The following GDI2 variants were observed in gnomAD, a reference collection of about 807,000 sequenced individuals.
GDI2 encodes GDP dissociation inhibitor 2, also known as rab GDP dissociation inhibitor beta.
GDI2 carries 22 observed loss-of-function variants against 54.2 expected under a neutral mutation model. The ratio of observed to expected loss-of-function variants is 0.41; its 90% CI spans 0.29 to 0.58. GDI2 has a LOEUF of 0.58. GDI2 is among the 20% of genes least tolerant of loss of function. The pLI is 0.35. For missense variants in GDI2, 422 were observed against 546.0 expected (o/e 0.77, Z 2.26); for synonymous variants, 177 against 182.1 (o/e 0.97, Z 0.23).
intron 6 of GDI2, among the ~76,000 whole-genome samples, chr10:5,784,889 G>C (rs921543746): frequency 3.3e-5 from 5 of 152,200 alleles, no homozygotes; most frequent in Non-Finnish European, 5.9e-5. Flanking sequence ...TAAGTGCGCT[G>C]GTTTTGTATT....
At chr10:5,811,192 TG>T (rs1341078384) in intron 1 of GDI2, among the ~76,000 whole-genome samples, 2 of 152,216 alleles carry the variant, frequency 1.3e-5, no homozygotes, top group East Asian at 3.8e-4. Context: ...CTATCAATGA[TG>T]GTAATAATGT....
chr10:5,784,403 C>T (rs192843579), intron 6 of GDI2, among the ~76,000 whole-genome samples: 1 of 152,268 alleles, frequency 6.6e-6, no homozygotes, highest in Admixed American at 6.5e-5. Flanking sequence ...TAATAATGAC[C>T]TTGTGAATTC....
chr10:5,786,327 C>T (rs1046982387), intron 4 of GDI2, among the ~76,000 whole-genome samples: 3 of 151,980 alleles, frequency 2.0e-5, no homozygotes, highest in East Asian at 3.9e-4. Flanking sequence ...ACCGCCATTA[C>T]GCCCAGCTAA....
intron 6 of GDI2, among the ~76,000 whole-genome samples, chr10:5,780,455 G>A (rs1408086857): frequency 6.6e-6 from 1 of 152,088 alleles, no homozygotes; most frequent in Non-Finnish European, 1.5e-5. Context: ...ACACATAAAA[G>A]TTATAAAAGA....
chr10:5,806,000 C>T (rs1212312815), intron 1 of GDI2, among the ~76,000 whole-genome samples: 1 of 152,180 alleles, frequency 6.6e-6, no homozygotes, highest in Non-Finnish European at 1.5e-5. Flanking sequence ...TTCACTATTA[C>T]AAATAATGCT....
intron 6 of GDI2, among the ~76,000 whole-genome samples, chr10:5,779,452 G>A (rs985854516): frequency 1.3e-5 from 2 of 151,122 alleles, no homozygotes; most frequent in Non-Finnish European, 2.9e-5. Flanking sequence ...AGGTTGCAGT[G>A]AGCTGAGATC....
At chr10:5,812,004 A>G (rs1424615894) in intron 1 of GDI2, 1 of 482,732 alleles carries the variant, frequency 2.1e-6, no homozygotes, top group Non-Finnish European at 3.3e-6. Context: ...AGATTATAAT[A>G]AATTTCAAAA....
intron 6 of GDI2, among the ~76,000 whole-genome samples, chr10:5,779,606 T>C (rs1367695373): frequency 6.7e-6 from 1 of 149,872 alleles, no homozygotes; most frequent in Non-Finnish European, 1.5e-5. Context: ...CTATTGAAAA[T>C]AGCAGAAAAG....
At chr10:5,791,369 G>C (rs1412496351) in intron 4 of GDI2, among the ~76,000 whole-genome samples, 1 of 152,180 alleles carries the variant, frequency 6.6e-6, no homozygotes, top group Non-Finnish European at 1.5e-5. Context: ...CAGCACTTTG[G>C]GAGGCCAAGG....
intron 2 of GDI2, among the ~76,000 whole-genome samples, chr10:5,798,478 A>G (rs550203012): frequency 1.3e-5 from 2 of 151,868 alleles, no homozygotes; most frequent in South Asian, 4.2e-4. Flanking sequence ...AATTCCAGCT[A>G]CTCGGGAGGC....
intron 1 of GDI2, among the ~76,000 whole-genome samples, chr10:5,812,567 TCTACAGATG>T (rs1230616598): frequency 7.3e-5 from 11 of 151,036 alleles, no homozygotes; most frequent in African/African-American, 2.7e-4. Flanking sequence ...CAATTCCAAT[TCTACAGATG>T]CTCAGTAAGT....
rs187514718 is a variant in GDI2, at chr10:5,780,003, A to C, written c.719+5139T>G. 2.9e-3 allele frequency among the ~76,000 whole-genome samples: 442 copies of C among 152,168 alleles called. 1 individual carries two copies. The highest frequency in any genetic ancestry group is 4.7e-3 in the Non-Finnish European group (318 of 67,986). On this transcript the variant is annotated intron_variant, in intron 6 of 10. Coordinates refer to ENST00000380191, the MANE Select transcript of GDI2 (RefSeq NM_001494.4). ...GCCACCATGCTCACTTAAGCCCAGAAGTTCAACACCAGCCTGGGCAACATG... is the reference window on the plus strand; with the variant it reads ...GCCACCATGCTCACTTAAGCCCAGACGTTCAACACCAGCCTGGGCAACATG...
At position 5,768,585 on chromosome 10, in the gene GDI2, A is replaced by G; in HGVS notation, c.820-201T>C. On this transcript the variant is annotated intron_variant, in intron 7 of 10. Transcript: ENST00000380191. The surrounding 1 kb of genome is among the most constrained non-coding windows in gnomAD (Gnocchi z 4.4). ...AGCAAAGCTGGAGGACTCACTCACT[A>G]AAAAGCTACAGTGATCAATTCAGTG... is the stretch of plus-strand genomic sequence containing the variant. 1 of 564,774 alleles carries G rather than the reference A, an allele frequency of 1.8e-6. No homozygotes were observed. Among genetic ancestry groups the G allele is most frequent in the Non-Finnish European group, 3.2e-6 (1 of 317,046 alleles). 35.0% of individuals were successfully genotyped at this position (564,774 alleles called of 1,614,324 possible). A position where few individuals can be genotyped will look rare whatever the true frequency, so the allele number is the denominator to read the frequency against.
intron 1 of GDI2, among the ~76,000 whole-genome samples, chr10:5,805,821 G>T (rs1007223191): frequency 9.2e-5 from 14 of 152,204 alleles, no homozygotes; most frequent in African/African-American, 3.4e-4. Flanking sequence ...TAATATCCGA[G>T]TTGGGGCCTA....
Position 5,776,460 on chromosome 10 carries a change from C to A in GDI2, c.720-2519G>T. The A allele has an allele frequency of 1.1e-6, 1 of 923,612 alleles. No individual in the cohort carries two copies. Among genetic ancestry groups the A allele is most frequent in the Non-Finnish European group, 1.8e-6 (1 of 555,012 alleles). The allele number at this position is 923,612 out of a possible 1,614,324, so 57.2% of individuals were successfully genotyped here. A position where few individuals can be genotyped will look rare whatever the true frequency, so the allele number is the denominator to read the frequency against. Reference sequence around the variant, plus strand: ...AGACACGCTACTATTTTTACTTTAGCAAAAGAGTGAGCCAGCAGAGCCATG... The same window carrying A: ...AGACACGCTACTATTTTTACTTTAGAAAAAGAGTGAGCCAGCAGAGCCATG... On this transcript the variant is annotated intron_variant, in intron 6 of 10. Coordinates refer to ENST00000380191, the MANE Select transcript of GDI2 (RefSeq NM_001494.4). This position sits in a 1 kb window ranked among gnomAD's most constrained non-coding sequence, Gnocchi z 5.3.
chr10:5,765,745 C>A lies in GDI2; in HGVS notation c.*261G>T. On this transcript the variant is annotated 3_prime_UTR_variant, in exon 11 of 11. Transcript: ENST00000380191. ...GTCTCAAGTTGTCTGTGTCGGTATC[C>A]CAATGTTTGTTTAACTTCACTAGAA... 2 of 375,088 alleles carry A rather than the reference C, an allele frequency of 5.3e-6. No homozygotes were observed. Among genetic ancestry groups the A allele is most frequent in the South Asian group, 4.1e-5 (1 of 24,434 alleles). The allele number at this position is 375,088 out of a possible 1,614,324, so 23.2% of individuals were successfully genotyped here.
intron 4 of GDI2, among the ~76,000 whole-genome samples, chr10:5,791,741 A>T (rs1382490845): frequency 1.6e-5 from 1 of 63,382 alleles, no homozygotes; most frequent in Non-Finnish European, 4.6e-5. Flanking sequence ...ACTCCGTCTC[A>T]AAAAAAAAGA....
intron 4 of GDI2, among the ~76,000 whole-genome samples, chr10:5,788,188 G>A (rs1840919583): frequency 6.9e-6 from 1 of 144,244 alleles, no homozygotes; most frequent in South Asian, 2.2e-4. Context: ...GTTTCCTACT[G>A]TGTTTTTTTT....
chr10:5,770,210 G>A (rs1038349911), intron 7 of GDI2, among the ~76,000 whole-genome samples: 1 of 152,206 alleles, frequency 6.6e-6, no homozygotes, highest in Non-Finnish European at 1.5e-5. Flanking sequence ...GTGCTTGCCA[G>A]TGGCTGGAAG....
Sources: allele counts gnomAD v4.1 joint callset (sites outside exome capture counted in the v4.1 genomes callset), GRCh38; gene constraint gnomAD v4.1.1; non-coding constraint Gnocchi (gnomAD v3.1); transcripts MANE v1.5; gene names NCBI Gene and HGNC (gene_info 2026-07-23, HGNC 2026-07-21).